TP73: variants seen among roughly 807,000 people sequenced by gnomAD.
TP73 encodes the protein p53-like transcription factor.
Under a neutral mutation model 62.5 loss-of-function variants are expected in TP73, and 25 were observed. The observed-to-expected ratio is 0.40, with a 90% CI of 0.29 to 0.56. TP73 has a LOEUF of 0.56. Among genes scored for constraint, TP73 ranks in the 20% least tolerant of loss-of-function variants. The probability of loss-of-function intolerance (pLI) is 0.46; values close to 1 mark genes in which losing one functional copy is unlikely to be tolerated. For missense variants in TP73, 754 were observed against 913.3 expected (o/e 0.83, Z 2.25); for synonymous variants, 423 against 377.5 (o/e 1.12, Z -1.40).
At chr1:3,717,387 C>T (rs893202352) in intron 4 of TP73, among the ~76,000 whole-genome samples, 7 of 152,312 alleles carry the variant, frequency 4.6e-5, no homozygotes, top group African/African-American at 1.7e-4. Flanking sequence ...GGCACAGTGG[C>T]GTTTGGGCAA....
chr1:3,683,254 C>G (rs775770570), intron 3 of TP73, 74 bp downstream of exon 3: 68 of 1,498,108 alleles, frequency 4.5e-5, no homozygotes, highest in Non-Finnish European at 5.9e-5. Flanking sequence ...GTCTTGGGAG[C>G]CTGGCAGAAC....
At chr1:3,686,118 C>T (rs1365758429) in intron 3 of TP73, among the ~76,000 whole-genome samples, 2 of 152,226 alleles carry the variant, frequency 1.3e-5, no homozygotes, top group Admixed American at 6.5e-5. Flanking sequence ...GTGTTGGTGG[C>T]ATCTGGCTGC....
intron 3 of TP73, 111 bp from the exon 4 acceptor site, chr1:3,707,438 A>T: frequency 1.4e-6 from 2 of 1,440,398 alleles, no homozygotes; most frequent in Non-Finnish European, 1.9e-6. Flanking sequence ...AATATTTGGG[A>T]TGACTGGAGC....
Position 3,729,439 on chromosome 1 carries a change from T to C in TP73, c.1187T>C (p.Leu396Pro), listed in dbSNP as rs1641950464. 6.2e-7 allele frequency: 1 copy of C among 1,612,568 alleles called. No homozygotes were observed. Among genetic ancestry groups the C allele is most frequent in the Non-Finnish European group, 8.5e-7 (1 of 1,179,954 alleles). The change falls in exon 10 of 14, where the codon CTA becomes CCA. Residue 396 changes from leucine to proline, a missense_variant. Leu to Pro is a moderately conservative substitution (Grantham distance 98). Transcript: ENST00000378295. ...VDSYRQQQQL[L>P]QRPSHLQPPS... Reference sequence around the variant, plus strand: ...TCCTATCGGCAGCAGCAGCAGCTCCTACAGAGGCCGTGAGTCAGCCCTAGC... The same window carrying C: ...TCCTATCGGCAGCAGCAGCAGCTCCCACAGAGGCCGTGAGTCAGCCCTAGC...
rs116633123 is a variant in TP73, at chr1:3,692,005, G to A, written c.186+8825G>A. 3.6e-3 allele frequency among the ~76,000 whole-genome samples: 551 copies of A among 152,304 alleles called. 5 individuals carry two copies. The highest frequency in any genetic ancestry group is 0.012 in the African/African-American group (517 of 41,552). The stretch of plus-strand genomic sequence containing the variant: ...TGTGCGTGCATGTGTGTGTCTAAGC[G>A]TGGATGTGCATGCAATACGCAGGCG... On this transcript the variant is annotated intron_variant, in intron 3 of 13. Transcript: ENST00000378295.
rs1638933478 is a variant in TP73 at position 3,699,108 on chromosome 1, G to T, written c.187-8441G>T. On this transcript the variant is annotated intron_variant, in intron 3 of 13. Coordinates refer to ENST00000378295, the MANE Select transcript of TP73 (RefSeq NM_005427.4). The surrounding 1 kb of genome is among the most constrained non-coding windows in gnomAD (Gnocchi z 4.1). ...AGGGTGCTGTGGATGAGAGCAGAGG[G>T]TGCTGTGTGCACATTGTCGGGAGAG... Among the ~76,000 whole-genome samples, 1 of 152,188 alleles carries T rather than the reference G, an allele frequency of 6.6e-6. No homozygotes were observed. Among genetic ancestry groups the T allele is most frequent in the African/African-American group, 2.4e-5 (1 of 41,438 alleles).
chr1:3,672,457 G>A lies in TP73; in HGVS notation c.-33-9876G>A, dbSNP rs1346295069. ...GTCTGTGCAGAACGAGGCTGTGGCA[G>A]CTCCAGCGAAGGCGGCTGCGGCCCC... On this transcript the variant is annotated intron_variant, in intron 1 of 13. Transcript: ENST00000378295. This position sits in a 1 kb window ranked among gnomAD's most constrained non-coding sequence, Gnocchi z 5.3. 6.6e-6 allele frequency among the ~76,000 whole-genome samples: 1 copy of A among 152,092 alleles called. No homozygotes were observed. The highest frequency in any genetic ancestry group is 2.4e-5 in the African/African-American group (1 of 41,396).
chr1:3,677,786 T>C (rs1645408322), intron 1 of TP73, among the ~76,000 whole-genome samples: 1 of 150,166 alleles, frequency 6.7e-6, no homozygotes, highest in Admixed American at 6.7e-5. Context: ...CTCGAGCCCC[T>C]GGGCTCAAGT....
chr1:3,680,101 CTG>C (rs1557502943), intron 1 of TP73, among the ~76,000 whole-genome samples: 1 of 152,072 alleles, frequency 6.6e-6, no homozygotes, highest in African/African-American at 2.4e-5. Context: ...CTCTGTCTCT[CTG>C]TCTCTGTCTC....
rs578213354 is a variant in TP73 at position 3,663,854 on chromosome 1, C to T, written c.-34+11213C>T. Among the ~76,000 whole-genome samples the T allele has an allele frequency of 2.8e-4, 43 of 152,338 alleles. No homozygotes were observed. Among genetic ancestry groups the T allele is most frequent in the East Asian group, 5.8e-4 (3 of 5,188 alleles). ...GGCCAGAGAACTCTTTTATGGCCTG[C>T]CTCAGGGTGACAGGGAGCAGGAGAG... On this transcript the variant is annotated intron_variant, in intron 1 of 13. Coordinates refer to ENST00000378295, the MANE Select transcript of TP73 (RefSeq NM_005427.4). The surrounding 1 kb of genome is among the most constrained non-coding windows in gnomAD (Gnocchi z 4.7).
chr1:3,731,196 CG>C, intron 12 of TP73, 131 bp downstream of exon 12: 1 of 1,328,056 alleles, frequency 7.5e-7, no homozygotes. Context: ...GACAGGCGGG[CG>C]GGGGCAGTCA....
chr1:3,706,504 G>A (rs962089706), intron 3 of TP73, among the ~76,000 whole-genome samples: 1 of 151,798 alleles, frequency 6.6e-6, no homozygotes, highest in Non-Finnish European at 1.5e-5. Flanking sequence ...GCCCGCCGCA[G>A]GCCCGGGGAG....
intron 6 of TP73, among the ~76,000 whole-genome samples, chr1:3,725,740 T>G (rs1570620071): frequency 6.4e-5 from 3 of 47,018 alleles, no homozygotes; most frequent in South Asian, 8.2e-4. Context: ...AGATAATAAA[T>G]GGGGGAGTGG....
At chr1:3,683,212 C>T (rs1645565674) in intron 3 of TP73, 32 bp downstream of exon 3, 1 of 1,581,020 alleles carries the variant, frequency 6.3e-7, no homozygotes, top group Non-Finnish European at 8.7e-7. Context: ...TGCAAGAGGA[C>T]TGGAGTGGGG....
chr1:3,708,506 T>G (rs951584370), intron 4 of TP73: 5 of 152,388 alleles, frequency 3.3e-5, no homozygotes, highest in Non-Finnish European at 5.9e-5. Context: ...ACTCCATCAC[T>G]GCTCCCCTTT....
At chr1:3,720,500 A>T (rs988246850) in intron 4 of TP73, among the ~76,000 whole-genome samples, 1 of 152,182 alleles carries the variant, frequency 6.6e-6, no homozygotes, top group African/African-American at 2.4e-5. Flanking sequence ...CACCCATGGC[A>T]GGGACAGACC....
chr1:3,682,085 C>G lies in TP73; in HGVS notation c.-33-248C>G, dbSNP rs895175496. 2.0e-5 allele frequency among the ~76,000 whole-genome samples: 3 copies of G among 152,370 alleles called. No individual in the cohort carries two copies. The South Asian group carries it at 6.2e-4, about 32-fold the overall frequency. ...AGCTCCTGCCTGCCCAGGGCACCCC[C>G]ACGGATGGGTCTGATCCAGGCCCGC... On this transcript the variant is annotated intron_variant, in intron 1 of 13. Transcript: ENST00000378295.
chr1:3,728,314 T>C, intron 9 of TP73, 97 bp downstream of exon 9: 1 of 1,303,520 alleles, frequency 7.7e-7, no homozygotes, highest in Non-Finnish European at 1.1e-6. Context: ...CTGGAGACCA[T>C]GGTGGAGGGG....
At chr1:3,655,124 C>A (rs532188539) in intron 1 of TP73, among the ~76,000 whole-genome samples, 1 of 152,266 alleles carries the variant, frequency 6.6e-6, no homozygotes, top group Non-Finnish European at 1.5e-5. Flanking sequence ...CCGTGGCCCA[C>A]GCCTGTAATC....
Sources: gnomAD v4.1 joint callset for allele counts (sites outside exome capture counted in the v4.1 genomes callset) on GRCh38, gnomAD v4.1.1 for gene constraint, Gnocchi (gnomAD v3.1) non-coding constraint, MANE v1.5 for transcripts, NCBI Gene and HGNC (gene_info 2026-07-23, HGNC 2026-07-21) for gene names.